The following RAB3C variants were observed in gnomAD, a reference collection of about 807,000 sequenced individuals.
The protein encoded by RAB3C is RAB3C, member RAS oncogene family.
Under a neutral mutation model 26.4 loss-of-function variants are expected in RAB3C, and 17 were observed. The ratio of observed to expected loss-of-function variants is 0.64; its 90% confidence interval spans 0.44 to 0.97. The LOEUF (loss-of-function observed/expected upper bound fraction) is 0.97, where lower values mean the gene tolerates loss of function less well. RAB3C is among the 50% of genes least tolerant of loss of function. The probability of loss-of-function intolerance (pLI) is 0.00; values close to 1 mark genes in which losing one functional copy is unlikely to be tolerated. For synonymous variants in RAB3C, 91 were observed against 95.9 expected, an observed-to-expected ratio of 0.95 and a Z score of 0.30; for missense variants, 242 against 281.9, an observed-to-expected ratio of 0.86 and a Z score of 1.01.
At chr5:58,844,010 G>A (rs1178411534) in intron 4 of RAB3C, among the ~76,000 whole-genome samples, 1 of 152,074 alleles carries the variant, frequency 6.6e-6, no homozygotes, top group Non-Finnish European at 1.5e-5. Flanking sequence ...AACATCTACT[G>A]GACACCTGCT....
At chr5:58,639,589 T>C (rs906143233) in intron 2 of RAB3C, among the ~76,000 whole-genome samples, 1 of 152,172 alleles carries the variant, frequency 6.6e-6, no homozygotes, top group African/African-American at 2.4e-5. Flanking sequence ...CACCTCCTCA[T>C]GACTTCATCT....
intron 2 of RAB3C, among the ~76,000 whole-genome samples, chr5:58,684,712 A>G (rs748876167): frequency 1.1e-4 from 17 of 152,216 alleles, no homozygotes; most frequent in Non-Finnish European, 2.2e-4. Context: ...GCACTGCCAA[A>G]TAAAACCGTT....
At chr5:58,842,152 C>T (rs1010471532) in intron 4 of RAB3C, among the ~76,000 whole-genome samples, 25 of 152,084 alleles carry the variant, frequency 1.6e-4, no homozygotes, top group African/African-American at 5.8e-4. Flanking sequence ...ACTCCATTTT[C>T]TTTTAATGGT....
intron 3 of RAB3C, 30 bp from the exon 4 acceptor site, chr5:58,825,008 A>G: frequency 6.5e-7 from 1 of 1,528,636 alleles, no homozygotes; most frequent in Admixed American, 1.7e-5. Context: ...CTTTCCTCTG[A>G]TTGTGTCATG....
At chr5:58,778,614 A>C (rs1371042565) in intron 3 of RAB3C, among the ~76,000 whole-genome samples, 3 of 152,186 alleles carry the variant, frequency 2.0e-5, no homozygotes, top group African/African-American at 7.2e-5. Context: ...ATCATGAAGC[A>C]TTAGGAATGA....
chr5:58,783,881 C>T (rs1742321651), intron 3 of RAB3C, among the ~76,000 whole-genome samples: 1 of 152,140 alleles, frequency 6.6e-6, no homozygotes, highest in African/African-American at 2.4e-5. Context: ...TAAATTGTTT[C>T]ATGGTAAACA....
At chr5:58,710,972 C>A (rs1313800811) in intron 2 of RAB3C, among the ~76,000 whole-genome samples, 1 of 152,168 alleles carries the variant, frequency 6.6e-6, no homozygotes, top group Non-Finnish European at 1.5e-5. Context: ...TTGGAACACT[C>A]ATATAATTCA....
intron 1 of RAB3C, among the ~76,000 whole-genome samples, chr5:58,607,404 A>G (rs1185387604): frequency 6.6e-6 from 1 of 152,202 alleles, no homozygotes; most frequent in Non-Finnish European, 1.5e-5. Context: ...CAAGAAATAT[A>G]GAACTATGTG....
At chr5:58,709,461 C>A (rs545458715) in intron 2 of RAB3C, among the ~76,000 whole-genome samples, 11 of 152,174 alleles carry the variant, frequency 7.2e-5, no homozygotes, top group Non-Finnish European at 1.6e-4. Flanking sequence ...CTTCTTAATC[C>A]TTGCAGCTAA....
At chr5:58,830,076 G>T (rs1743578687) in intron 4 of RAB3C, among the ~76,000 whole-genome samples, 1 of 152,142 alleles carries the variant, frequency 6.6e-6, no homozygotes, top group Non-Finnish European at 1.5e-5. Context: ...CTATGAATGG[G>T]TAGTTACTTC....
chr5:58,835,842 G>T (rs2112073082), intron 4 of RAB3C, among the ~76,000 whole-genome samples: 1 of 152,274 alleles, frequency 6.6e-6, no homozygotes, highest in South Asian at 2.1e-4. Flanking sequence ...AATCTGCTAA[G>T]TGTTGAGAGC....
chr5:58,840,078 C>T (rs1607025), intron 4 of RAB3C, among the ~76,000 whole-genome samples: 2,792 of 151,920 alleles, frequency 0.018, 89 homozygotes, highest in African/African-American at 0.063. Flanking sequence ...CATCTTTTCC[C>T]TTCTTTTCTG....
intron 2 of RAB3C, among the ~76,000 whole-genome samples, chr5:58,682,120 G>T (rs1284187657): frequency 6.6e-6 from 1 of 152,144 alleles, no homozygotes; most frequent in Non-Finnish European, 1.5e-5. Context: ...GTTTCAGTTT[G>T]GAAGTATTGA....
chr5:58,656,080 C>G (rs985367943), intron 2 of RAB3C, among the ~76,000 whole-genome samples: 1 of 152,050 alleles, frequency 6.6e-6, no homozygotes, highest in African/African-American at 2.4e-5. Flanking sequence ...CCACCGCGCC[C>G]GGCCCTAAAC....
chr5:58,845,528 T>C (rs2112084615), intron 4 of RAB3C, among the ~76,000 whole-genome samples: 1 of 150,230 alleles, frequency 6.7e-6, no homozygotes, highest in African/African-American at 2.5e-5. Context: ...CAATCGGCCA[T>C]GGGGTTTCTC....
chr5:58,599,875 T>C (rs1270624682), intron 1 of RAB3C, among the ~76,000 whole-genome samples: 1 of 152,144 alleles, frequency 6.6e-6, no homozygotes, highest in African/African-American at 2.4e-5. Context: ...CTGTTTATCT[T>C]TGTTTTTACT....
intron 4 of RAB3C, among the ~76,000 whole-genome samples, chr5:58,831,015 A>G (rs1423254166): frequency 6.6e-6 from 1 of 152,116 alleles, no homozygotes; most frequent in Non-Finnish European, 1.5e-5. Context: ...AACTGGAACT[A>G]TAGGCATGCA....
intron 2 of RAB3C, among the ~76,000 whole-genome samples, chr5:58,626,826 T>A (rs190153097): frequency 6.6e-6 from 1 of 152,160 alleles, no homozygotes; most frequent in African/African-American, 2.4e-5. Context: ...TAGTAGTACT[T>A]TTTTTGGTAA....
chr5:58,790,158 C>T (rs1742489674), intron 3 of RAB3C, among the ~76,000 whole-genome samples: 1 of 152,200 alleles, frequency 6.6e-6, no homozygotes, highest in South Asian at 2.1e-4. Context: ...CAAAATAGGG[C>T]TTTACATCTT....
Sources: allele counts gnomAD v4.1 joint callset (sites outside exome capture counted in the v4.1 genomes callset), GRCh38; gene constraint gnomAD v4.1.1; transcripts MANE v1.5; gene names NCBI Gene and HGNC (gene_info 2026-07-23, HGNC 2026-07-21).